ESRRA: variants seen among roughly 807,000 people sequenced by gnomAD.
ESRRA encodes the protein steroid hormone receptor ERR1.
A neutral mutation model predicts 35.6 loss-of-function variants in ESRRA; 7 were observed. That is an observed-to-expected ratio of 0.20 (90% CI 0.11 to 0.37). The LOEUF is 0.37. Ranked by LOEUF, ESRRA falls within the 10% of genes least tolerant of loss-of-function variation. The pLI is 1.00. For missense variants in ESRRA, 378 were observed against 561.7 expected (o/e 0.67, Z 3.31); for synonymous variants, 223 against 246.9 (o/e 0.90, Z 0.91).
rs2035277742 is a variant in ESRRA, at chr11:64,316,669, A to G, written c.*703A>G. On this transcript the variant is annotated 3_prime_UTR_variant, in exon 7 of 7. Coordinates refer to ENST00000000442, the MANE Select transcript of ESRRA (RefSeq NM_004451.5). The stretch of plus-strand genomic sequence containing the variant: ...GTACAGAGACTCTATTTTAATGTAT[A>G]TTTGCTGCAAAGAGAAACCGCTTTT... 1 of 596,696 alleles carries G rather than the reference A, an allele frequency of 1.7e-6. No individual in the cohort carries two copies. The highest frequency in any genetic ancestry group is 1.9e-5 in the African/African-American group (1 of 53,548). The allele number at this position is 596,696 out of a possible 1,614,324, so 37.0% of individuals were successfully genotyped here. A position where few individuals can be genotyped will look rare whatever the true frequency, so the allele number is the denominator to read the frequency against.
chr11:64,307,577 CT>C (rs1426755075), intron 2 of ESRRA, 73 bp downstream of exon 2: 4 of 1,198,456 alleles, frequency 3.3e-6, no homozygotes, highest in Admixed American at 3.4e-5. Flanking sequence ...AATAGGCCCC[CT>C]GATGGCTGTG....
chr11:64,308,341 C>T (rs1041495319), intron 2 of ESRRA, among the ~76,000 whole-genome samples: 2 of 149,580 alleles, frequency 1.3e-5, no homozygotes, highest in African/African-American at 4.9e-5. Flanking sequence ...GTGGTGAAAC[C>T]GCATCTCTAC....
In ESRRA at chr11:64,315,014, G is replaced by A. The variant is rs775665558; in HGVS notation, c.756G>A (p.Leu252=). The change falls in exon 6 of 7, where the codon CTG becomes CTA. Residue 252 remains leucine (L), a synonymous_variant. Transcript: ENST00000000442. The part of the protein sequence containing the change: ...WAKSIPGFSS[L]SLSDQMSVLQ... ...GCTGCCCCCTAGGCTTCTCATCGCT[G>A]TCGCTGTCTGACCAGATGTCAGTAC... is the stretch of plus-strand genomic sequence containing the variant. The A allele has an allele frequency of 6.3e-7, 1 of 1,595,756 alleles. No homozygotes were observed. Among genetic ancestry groups the A allele is most frequent in the South Asian group, 1.1e-5 (1 of 89,648 alleles).
Position 64,316,254 on chromosome 11 carries a change from G to T in ESRRA, c.*288G>T. ...GCGGAAGCCATAGGGGGCTGCACGGGATGCGTGGGAGGCAGAAACCTATCT... is the reference window on the plus strand; with the variant it reads ...GCGGAAGCCATAGGGGGCTGCACGGTATGCGTGGGAGGCAGAAACCTATCT... On this transcript the variant is annotated 3_prime_UTR_variant, in exon 7 of 7. Coordinates refer to ENST00000000442, the MANE Select transcript of ESRRA (RefSeq NM_004451.5). The T allele has an allele frequency of 2.9e-6, 1 of 347,524 alleles. No homozygotes were observed. 21.5% of individuals were successfully genotyped at this position (347,524 alleles called of 1,614,324 possible). A position where few individuals can be genotyped will look rare whatever the true frequency, so the allele number is the denominator to read the frequency against.
rs79745703 is a variant in ESRRA, at chr11:64,310,244, T to G, written c.325+2740T>G. ...ATTGTGACATTCCAGCACGTTTTTT[T>G]TTTTTTTTTTGAGACAGTCTCGTGT... On this transcript the variant is annotated intron_variant, in intron 2 of 6. Coordinates refer to ENST00000000442, the MANE Select transcript of ESRRA (RefSeq NM_004451.5). Among the ~76,000 whole-genome samples, 497 of 151,762 alleles carry G rather than the reference T, an allele frequency of 3.3e-3. 8 individuals carry two copies. The East Asian group carries it at 0.05, about 15-fold the overall frequency.
Position 64,315,264 on chromosome 11 carries a change from A to G in ESRRA, c.1006A>G (p.Asn336Asp). 6.4e-7 allele frequency: 1 copy of G among 1,556,406 alleles called. No homozygotes were observed. The change falls in exon 6 of 7, where the codon AAT becomes GAT. Residue 336 changes from asparagine (N) to aspartate (D), a missense_variant. By Grantham distance (23) the Asn-to-Asp change is conservative (BLOSUM62 1). Transcript: ENST00000000442. ...TCTACTAAAGGCCTTGGCCCTTGCCAATTCAGGTGAGTCTGGGGCAGGCAC... is the reference window on the plus strand; with the variant it reads ...TCTACTAAAGGCCTTGGCCCTTGCCGATTCAGGTGAGTCTGGGGCAGGCAC... Reference protein sequence around the residue: ...YVLLKALALANSDSVHIEDAE... With the variant: ...YVLLKALALADSDSVHIEDAE...
Position 64,316,614 on chromosome 11 carries a change from G to A in ESRRA, c.*648G>A. ...TTTGGCCAGGGAGGCGCAGGGACAT[G>A]GGGCAAGCCAGGGCCCAGAGCCCTT... On this transcript the variant is annotated 3_prime_UTR_variant, in exon 7 of 7. Coordinates refer to ENST00000000442, the MANE Select transcript of ESRRA (RefSeq NM_004451.5). The A allele has an allele frequency of 4.1e-6, 2 of 482,188 alleles. No homozygotes were observed. Among genetic ancestry groups the A allele is most frequent in the African/African-American group, 2.0e-5 (1 of 51,256 alleles). The allele number at this position is 482,188 out of a possible 1,614,324, so 29.9% of individuals were successfully genotyped here. A position where few individuals can be genotyped will look rare whatever the true frequency, so the allele number is the denominator to read the frequency against.
chr11:64,309,434 CAAAAAAAAAA>C, intron 2 of ESRRA, among the ~76,000 whole-genome samples: 1 of 122,582 alleles, frequency 8.2e-6, no homozygotes, highest in Non-Finnish European at 1.6e-5. Context: ...ACTCTCATCT[CAAAAAAAAAA>C]AAAAAAGGAC....
At chr11:64,311,033 T>C (rs2035130462) in intron 2 of ESRRA, among the ~76,000 whole-genome samples, 1 of 152,216 alleles carries the variant, frequency 6.6e-6, no homozygotes, top group Non-Finnish European at 1.5e-5. Flanking sequence ...GACTTGTATA[T>C]TGAGCACTTA....
Position 64,316,164 on chromosome 11 carries a change from C to G in ESRRA, c.*198C>G. On this transcript the variant is annotated 3_prime_UTR_variant, in exon 7 of 7. Transcript: ENST00000000442. ...GGTGTCAGAAGCTGGGAACGTGTGT[C>G]CAGGCTCTGGGCACAGTGCTGCCCC... is the stretch of plus-strand genomic sequence containing the variant. The G allele has an allele frequency of 1.6e-6, 1 of 627,588 alleles. No homozygotes were observed. The highest frequency in any genetic ancestry group is 2.2e-5 in the South Asian group (1 of 45,902). The allele number at this position is 627,588 out of a possible 1,614,324, so 38.9% of individuals were successfully genotyped here. A position where few individuals can be genotyped will look rare whatever the true frequency, so the allele number is the denominator to read the frequency against.
intron 1 of ESRRA, chr11:64,306,931 T>A (rs2035045199): frequency 2.6e-6 from 1 of 386,446 alleles, no homozygotes; most frequent in Non-Finnish European, 4.6e-6. Flanking sequence ...CTCCCCCAGG[T>A]TCCCAAGGGG....
rs949145075 is a variant in ESRRA, at chr11:64,305,597, C to T, written c.-152C>T. ...TCCTACAAGCAGCCGGCGGCGCCGC[C>T]GAGTGAGGGGACGCGGCGCGGTGGG... On this transcript the variant is annotated 5_prime_UTR_variant, in exon 1 of 7. Coordinates refer to ENST00000000442, the MANE Select transcript of ESRRA (RefSeq NM_004451.5). This position sits in a 1 kb window ranked among gnomAD's most constrained non-coding sequence, Gnocchi z 5.8. 6.6e-6 allele frequency: 1 copy of T among 151,108 alleles called. No homozygotes were observed. The highest frequency in any genetic ancestry group is 1.5e-5 in the Non-Finnish European group (1 of 67,764). The allele number at this position is 151,108 out of a possible 1,614,324, so 9.4% of individuals were successfully genotyped here. A position where few individuals can be genotyped will look rare whatever the true frequency, so the allele number is the denominator to read the frequency against.
In ESRRA at chr11:64,314,014, C is replaced by G; in HGVS notation, c.389C>G (p.Ala130Gly). 6.3e-7 allele frequency: 1 copy of G among 1,580,704 alleles called. No homozygotes were observed. The highest frequency in any genetic ancestry group is 8.6e-7 in the Non-Finnish European group (1 of 1,163,660). ...ECEITKRRRK[A>G]CQACRFTKCL... ...GAGATCACCAAGCGGAGACGCAAGG[C>G]CTGCCAGGCCTGCCGCTTCACCAAG... The change falls in exon 3 of 7, where the codon GCC becomes GGC. Residue 130 changes from alanine to glycine, a missense_variant. Ala to Gly is a moderately conservative substitution (Grantham distance 60, BLOSUM62 0). Around this residue, in one of 4 missense-constraint regions of ESRRA, gnomAD observed 284 missense variants for 411.7 expected, o/e 0.69. Transcript: ENST00000000442.
chr11:64,315,983 G>A lies in ESRRA; in HGVS notation c.*17G>A. 6.5e-7 allele frequency: 1 copy of A among 1,546,538 alleles called. No homozygotes were observed. Among genetic ancestry groups the A allele is most frequent in the Non-Finnish European group, 8.8e-7 (1 of 1,141,810 alleles). ...ATGGACTGAGGCAAGGGGTGGGACT[G>A]GTGGGGGTTCTGGCAGGACCTGCCT... On this transcript the variant is annotated 3_prime_UTR_variant, in exon 7 of 7. Coordinates refer to ENST00000000442, the MANE Select transcript of ESRRA (RefSeq NM_004451.5).
chr11:64,308,215 A>C (rs193246834), intron 2 of ESRRA, among the ~76,000 whole-genome samples: 1 of 152,284 alleles, frequency 6.6e-6, no homozygotes, highest in East Asian at 1.9e-4. Context: ...ACCCAACTTT[A>C]AAAAGACTAA....
rs780281773 is a variant in ESRRA, at chr11:64,315,791, G to A, written c.1097G>A (p.Arg366Gln). The A allele has an allele frequency of 5.0e-6, 8 of 1,613,448 alleles. 1 individual carries two copies. Among genetic ancestry groups the A allele is most frequent in the South Asian group, 1.1e-5 (1 of 91,058 alleles). The part of the protein sequence containing the change: ...HEALLEYEAG[R>Q]AGPGGGAERR... ...GCCCTGCTGGAGTATGAAGCCGGCC[G>A]GGCTGGCCCCGGAGGGGGTGCTGAG... is the stretch of plus-strand genomic sequence containing the variant. Residue 366 changes from arginine to glutamine, a missense_variant, in exon 7 of 7, where the codon CGG becomes CAG. By Grantham distance (43) the Arg-to-Gln change is conservative. Coordinates refer to ENST00000000442, the MANE Select transcript of ESRRA (RefSeq NM_004451.5).
intron 4 of ESRRA, 63 bp downstream of exon 4, chr11:64,314,430 C>T (rs1475825014): frequency 6.8e-7 from 1 of 1,463,614 alleles, no homozygotes; most frequent in East Asian, 2.5e-5. Context: ...ATCATAGTTA[C>T]CTTGGGCACT....
In ESRRA at chr11:64,313,827, C is replaced by G. The variant is rs987568823; in HGVS notation, c.326-124C>G. 11 of 637,038 alleles carry G rather than the reference C, an allele frequency of 1.7e-5. No homozygotes were observed. The African/African-American group carries it at 2.0e-4, about 12-fold the overall frequency. 39.5% of individuals were successfully genotyped at this position (637,038 alleles called of 1,614,324 possible). On this transcript the variant is annotated intron_variant, in intron 2 of 6. Coordinates refer to ENST00000000442, the MANE Select transcript of ESRRA (RefSeq NM_004451.5). This position sits in a 1 kb window ranked among gnomAD's most constrained non-coding sequence, Gnocchi z 4.0. ...CTCCCTGCCTGCTCATGGCCCCCTG[C>G]TCTCCCTTTCCTCCCCATACCCCCA...
chr11:64,307,114 C>A (rs950108650), intron 1 of ESRRA, 54 bp from the exon 2 acceptor site: 2 of 1,433,462 alleles, frequency 1.4e-6, no homozygotes, highest in Admixed American at 4.6e-5. Flanking sequence ...GGCAGGGTGT[C>A]TCCCATCCCC....
Sources: gnomAD v4.1 joint callset for allele counts (sites outside exome capture counted in the v4.1 genomes callset) on GRCh38, gnomAD v4.1.1 for gene constraint, gnomAD v4.1.1 regional missense constraint, Gnocchi (gnomAD v3.1) non-coding constraint, MANE v1.5 for transcripts, NCBI Gene and HGNC (gene_info 2026-07-23, HGNC 2026-07-21) for gene names.